BCAS3: variants seen among roughly 807,000 people sequenced by gnomAD.
The protein encoded by BCAS3 is BCAS3 microtubule associated cell migration factor, also known as BCAS4/BCAS3 fusion.
BCAS3 carries 53 observed loss-of-function variants against 116.1 expected under a neutral mutation model. That is an observed-to-expected ratio of 0.46 (90% CI 0.37 to 0.57). BCAS3 has a LOEUF of 0.57. BCAS3 is among the 20% of genes least tolerant of loss of function. The pLI, the probability that BCAS3 is intolerant of heterozygous loss-of-function variation, is 0.00. For missense variants in BCAS3, 917 were observed against 1,165.4 expected, an observed-to-expected ratio of 0.79 and a Z score of 3.10; for synonymous variants, 391 against 408.2, an observed-to-expected ratio of 0.96 and a Z score of 0.51.
intron 7 of BCAS3, among the ~76,000 whole-genome samples, chr17:60,813,684 A>G (rs2049057772): frequency 6.6e-6 from 1 of 151,904 alleles, no homozygotes; most frequent in Non-Finnish European, 1.5e-5. Context: ...CCAATTGTCG[A>G]TTTTGTTTTT....
rs1410312351 is a variant in BCAS3 at position 61,380,209 on chromosome 17, G to T, written c.2593+11715G>T. The T allele has an allele frequency of 2.5e-5, 9 of 358,136 alleles. No homozygotes were observed. Among genetic ancestry groups the T allele is most frequent in the South Asian group, 4.4e-5 (1 of 22,984 alleles). The allele number at this position is 358,136 out of a possible 1,614,324, so 22.2% of individuals were successfully genotyped here. On this transcript the variant is annotated intron_variant, in intron 23 of 23. Transcript: ENST00000407086. This position sits in a 1 kb window ranked among gnomAD's most constrained non-coding sequence, Gnocchi z 4.2. ...AATCTGAGGGGTTACCCAGGATGCC[G>T]GCTTTCTCTCTACATCATTCCCTAC...
intron 6 of BCAS3, among the ~76,000 whole-genome samples, chr17:60,751,277 C>G (rs1013535590): frequency 2.6e-5 from 4 of 152,054 alleles, no homozygotes; most frequent in Non-Finnish European, 4.4e-5. Context: ...GGATTTTTTT[C>G]AATACAATAT....
chr17:60,764,490 A>T (rs1424793860), intron 6 of BCAS3, among the ~76,000 whole-genome samples: 2 of 152,142 alleles, frequency 1.3e-5, no homozygotes, highest in Non-Finnish European at 2.9e-5. Context: ...TTCAGTTTCC[A>T]TGTAGTTGTG....
At chr17:60,713,470 G>A (rs1051084661) in intron 5 of BCAS3, among the ~76,000 whole-genome samples, 4 of 152,050 alleles carry the variant, frequency 2.6e-5, no homozygotes, top group Non-Finnish European at 4.4e-5. Flanking sequence ...TAATTAATAC[G>A]ATTGGCCCTC....
At chr17:60,949,370 G>C (rs944021532) in intron 14 of BCAS3, among the ~76,000 whole-genome samples, 1 of 151,940 alleles carries the variant, frequency 6.6e-6, no homozygotes, top group South Asian at 2.1e-4. Context: ...TGATCCTCCT[G>C]TCTCAGCCTC....
intron 9 of BCAS3, among the ~76,000 whole-genome samples, chr17:60,886,019 G>A (rs2056605818): frequency 9.1e-6 from 1 of 109,450 alleles, no homozygotes; most frequent in South Asian, 3.5e-4. Flanking sequence ...AAGTTCTCCT[G>A]GATAATATCC....
At chr17:61,173,543 C>T (rs543664642) in intron 22 of BCAS3, among the ~76,000 whole-genome samples, 2 of 151,620 alleles carry the variant, frequency 1.3e-5, no homozygotes, top group African/African-American at 2.4e-5. Context: ...AAATTTATAA[C>T]ACAAAATGCC....
chr17:61,389,087 C>G, intron 23 of BCAS3: 1 of 220,578 alleles, frequency 4.5e-6, no homozygotes, highest in Non-Finnish European at 9.1e-6. Flanking sequence ...AGGGGGTCTC[C>G]CCTAGATGAG....
At chr17:61,272,126 A>T (rs1408949212) in intron 22 of BCAS3, among the ~76,000 whole-genome samples, 1 of 152,174 alleles carries the variant, frequency 6.6e-6, no homozygotes, top group Non-Finnish European at 1.5e-5. Flanking sequence ...AATTGAAGAG[A>T]CTGTCATCAA....
At chr17:60,796,700 C>T (rs2047242620) in intron 6 of BCAS3, among the ~76,000 whole-genome samples, 1 of 151,490 alleles carries the variant, frequency 6.6e-6, no homozygotes, top group Non-Finnish European at 1.5e-5. Context: ...ATTTTTTTCC[C>T]CAATTTCATT....
chr17:61,090,568 A>G lies in BCAS3; in HGVS notation c.2425+6004A>G, dbSNP rs1028707242. Among the ~76,000 whole-genome samples the G allele has an allele frequency of 7.4e-4, 113 of 152,268 alleles. 1 individual carries two copies. The highest frequency in any genetic ancestry group is 1.6e-4 in the Non-Finnish European group (11 of 68,050). ...AAAGTAAGTTTTAGAGATTAAGAAC[A>G]TAGGGAAAAGACCTTATTTGCCCAT... On this transcript the variant is annotated intron_variant, in intron 22 of 23. Transcript: ENST00000407086.
Position 61,130,675 on chromosome 17 carries a change from G to A in BCAS3, c.2425+46111G>A, listed in dbSNP as rs1354838690. The A allele has an allele frequency of 6.6e-6, 1 of 152,182 alleles. No individual in the cohort carries two copies. Among genetic ancestry groups the A allele is most frequent in the Non-Finnish European group, 1.5e-5 (1 of 68,054 alleles). The allele number at this position is 152,182 out of a possible 1,614,324, so 9.4% of individuals were successfully genotyped here. ...CTATGCTTCTTGTACATCCCCTCTA[G>A]GAGCACACCCACTCTAATCAAACTG... On this transcript the variant is annotated intron_variant, in intron 22 of 23. Transcript: ENST00000407086. The surrounding 1 kb of genome is among the most constrained non-coding windows in gnomAD (Gnocchi z 5.0).
rs185121434 is a variant in BCAS3, at chr17:61,233,373, G to C, written c.2426-134954G>C. Among the ~76,000 whole-genome samples, 1 of 152,304 alleles carries C rather than the reference G, an allele frequency of 6.6e-6. No homozygotes were observed. Among genetic ancestry groups the C allele is most frequent in the African/African-American group, 2.4e-5 (1 of 41,570 alleles). The stretch of plus-strand genomic sequence containing the variant: ...TGTGGCTAATGGCTTTTGCAGAAGT[G>C]ATTCTACAACTAAAGATGCCAATCA... On this transcript the variant is annotated intron_variant, in intron 22 of 23. Transcript: ENST00000407086. This position sits in a 1 kb window ranked among gnomAD's most constrained non-coding sequence, Gnocchi z 4.3.
chr17:60,814,902 A>G (rs926472081), intron 7 of BCAS3, among the ~76,000 whole-genome samples: 1 of 152,182 alleles, frequency 6.6e-6, no homozygotes, highest in African/African-American at 2.4e-5. Flanking sequence ...AGATTCCTCA[A>G]GGATCTAGAA....
intron 5 of BCAS3, among the ~76,000 whole-genome samples, chr17:60,737,856 G>A (rs2041132863): frequency 6.6e-6 from 1 of 151,806 alleles, no homozygotes; most frequent in Non-Finnish European, 1.5e-5. Flanking sequence ...GTGCAATCTT[G>A]GCTCACTACA....
chr17:61,391,771 C>T lies in BCAS3; in HGVS notation c.2594-206C>T, dbSNP rs1213668412. On this transcript the variant is annotated intron_variant, in intron 23 of 23. Transcript: ENST00000407086. The surrounding 1 kb of genome is among the most constrained non-coding windows in gnomAD (Gnocchi z 7.7). ...ACGGTGCTCTCACACCAGAGTCTGC[C>T]AGCCAGGGGGCTTTCCCTCCCCTGG... is the stretch of plus-strand genomic sequence containing the variant. The T allele has an allele frequency of 4.9e-6, 3 of 606,404 alleles. No individual in the cohort carries two copies. In the African/African-American group the frequency reaches 5.6e-5, roughly 11 times the overall value. The allele number at this position is 606,404 out of a possible 1,614,324, so 37.6% of individuals were successfully genotyped here. A position where few individuals can be genotyped will look rare whatever the true frequency, so the allele number is the denominator to read the frequency against.
At chr17:61,270,177 T>C (rs572988439) in intron 22 of BCAS3, among the ~76,000 whole-genome samples, 1 of 146,018 alleles carries the variant, frequency 6.8e-6, no homozygotes, top group African/African-American at 2.6e-5. Context: ...TAGAGTGCGA[T>C]GGTGCGATCC....
chr17:61,070,379 A>C (rs1008108509), intron 19 of BCAS3: 1 of 144,416 alleles, frequency 6.9e-6, no homozygotes, highest in African/African-American at 3.6e-5. Context: ...ATATATATAT[A>C]TATATATATA....
chr17:60,704,696 G>T (rs2036879393), intron 4 of BCAS3, among the ~76,000 whole-genome samples: 1 of 151,932 alleles, frequency 6.6e-6, no homozygotes, highest in Admixed American at 6.6e-5. Flanking sequence ...AAATTAGCCG[G>T]GCATGGTGGT....
Sources: gnomAD v4.1 joint callset for allele counts (sites outside exome capture counted in the v4.1 genomes callset) on GRCh38, gnomAD v4.1.1 for gene constraint, Gnocchi (gnomAD v3.1) non-coding constraint, MANE v1.5 for transcripts, NCBI Gene and HGNC (gene_info 2026-07-23, HGNC 2026-07-21) for gene names.